DAOA: variants seen among roughly 807,000 people sequenced by gnomAD.
DAOA encodes the protein D-amino acid oxidase activator, also known as D-amino acid oxidase regulator.
A neutral mutation model predicts 16.4 loss-of-function variants in DAOA; 15 were observed. That is an observed-to-expected ratio of 0.91 (90% CI 0.61 to 1.41). The LOEUF is 1.41. Ranked by LOEUF, DAOA falls within the 40% of genes most tolerant of loss-of-function variation. The pLI is 0.00. For missense variants in DAOA, 230 were observed against 176.8 expected (o/e 1.30, Z -1.71); for synonymous variants, 75 against 59.1 (o/e 1.27, Z -1.23).
chr13:105,466,058 T>A lies in DAOA; in HGVS notation c.-76T>A, dbSNP rs1433321781. The A allele has an allele frequency of 1.3e-5, 6 of 478,566 alleles. No individual in the cohort carries two copies. Among genetic ancestry groups the A allele is most frequent in the Non-Finnish European group, 2.1e-5 (6 of 283,136 alleles). The allele number at this position is 478,566 out of a possible 1,614,324, so 29.6% of individuals were successfully genotyped here. On this transcript the variant is annotated splice_region_variant and 5_prime_UTR_variant, in exon 1 of 6. It introduces an in-frame stop codon into an upstream open reading frame of the 5' UTR. Coordinates refer to ENST00000375936, the MANE Select transcript of DAOA (RefSeq NM_172370.5). The stretch of plus-strand genomic sequence containing the variant: ...AAAGTAGAGTGAAGCAAGTAATGTG[T>A]GTGTGAGTAGTCATTGGATACATAC...
intron 2 of DAOA, 126 bp from the exon 3 acceptor site, chr13:105,466,927 T>C (rs1876562431): frequency 8.0e-7 from 1 of 1,245,412 alleles, no homozygotes. Flanking sequence ...GCTGAATAGT[T>C]AAGATTAAAA....
chr13:105,489,817 C>T, intron 4 of DAOA, 84 bp from the exon 5 acceptor site: 1 of 1,612,862 alleles, frequency 6.2e-7, no homozygotes, highest in Non-Finnish European at 8.5e-7. Flanking sequence ...ACCAATGGAA[C>T]ATGGGAAAGG....
chr13:105,490,542 A>G (rs1053762223), intron 5 of DAOA: 1 of 152,226 alleles, frequency 6.6e-6, no homozygotes, highest in African/African-American at 2.4e-5. Context: ...GGATTTATGT[A>G]TCTGATACAT....
chr13:105,466,946 G>T, intron 2 of DAOA, 107 bp from the exon 3 acceptor site: 1 of 1,349,408 alleles, frequency 7.4e-7, no homozygotes, highest in Non-Finnish European at 9.7e-7. Context: ...AAATATGAAA[G>T]TGCTAAACCA....
At chr13:105,489,797 G>T in intron 4 of DAOA, 104 bp from the exon 5 acceptor site, 1 of 1,610,176 alleles carries the variant, frequency 6.2e-7, no homozygotes, top group South Asian at 1.1e-5. Context: ...GGCAGGAGCT[G>T]GGACTTCTAA....
intron 4 of DAOA, among the ~76,000 whole-genome samples, chr13:105,484,899 G>A (rs1191178444): frequency 6.6e-6 from 1 of 152,046 alleles, no homozygotes; most frequent in Admixed American, 6.6e-5. Context: ...GTAATCTCAG[G>A]CAATTGTTGG....
intron 4 of DAOA, among the ~76,000 whole-genome samples, chr13:105,485,348 AT>A (rs1163039978): frequency 1.3e-5 from 2 of 151,708 alleles, no homozygotes; most frequent in Admixed American, 1.3e-4. Flanking sequence ...GATCCGTTGG[AT>A]TTTGTGTCTC....
At chr13:105,473,859 C>T (rs12862108) in intron 4 of DAOA, among the ~76,000 whole-genome samples, 1 of 151,906 alleles carries the variant, frequency 6.6e-6, no homozygotes, top group Non-Finnish European at 1.5e-5. Flanking sequence ...TTTTGTACTA[C>T]AGGAAAGCTA....
intron 4 of DAOA, among the ~76,000 whole-genome samples, chr13:105,474,609 A>G (rs1877215217): frequency 6.6e-6 from 1 of 152,118 alleles, no homozygotes; most frequent in Non-Finnish European, 1.5e-5. Context: ...TGACTGACTA[A>G]AGCCAGCAAA....
intron 4 of DAOA, among the ~76,000 whole-genome samples, chr13:105,477,549 T>A (rs9519686): frequency 0.36 from 54,465 of 151,808 alleles, 9,879 homozygotes; most frequent in African/African-American, 0.4. Context: ...GAAACCTAGA[T>A]GCCATCTCTA....
intron 4 of DAOA, among the ~76,000 whole-genome samples, chr13:105,484,888 G>T (rs1002714799): frequency 2.0e-5 from 3 of 152,052 alleles, no homozygotes; most frequent in Admixed American, 6.6e-5. Context: ...CCTGAACTTA[G>T]GTAATCTCAG....
chr13:105,474,699 T>C (rs1425065348), intron 4 of DAOA, among the ~76,000 whole-genome samples: 1 of 152,060 alleles, frequency 6.6e-6, no homozygotes, highest in Non-Finnish European at 1.5e-5. Flanking sequence ...TACTCCAGAA[T>C]GGAAAAAGTT....
At chr13:105,486,997 A>G (rs1878157407) in intron 4 of DAOA, among the ~76,000 whole-genome samples, 1 of 152,066 alleles carries the variant, frequency 6.6e-6, no homozygotes, top group Admixed American at 6.6e-5. Flanking sequence ...TTTCCAAACA[A>G]TTCCATGGGT....
intron 3 of DAOA, among the ~76,000 whole-genome samples, chr13:105,468,447 A>C (rs993920001): frequency 3.9e-5 from 6 of 152,188 alleles, no homozygotes; most frequent in African/African-American, 1.2e-4. Flanking sequence ...TGCTCATCTT[A>C]CTTTTAATTT....
chr13:105,478,184 G>C (rs2139186575), intron 4 of DAOA, among the ~76,000 whole-genome samples: 1 of 152,268 alleles, frequency 6.6e-6, no homozygotes, highest in Non-Finnish European at 1.5e-5. Flanking sequence ...GCACTTCAAT[G>C]AAAAATGATT....
intron 4 of DAOA, among the ~76,000 whole-genome samples, chr13:105,480,674 G>A (rs1877676744): frequency 6.6e-6 from 1 of 152,086 alleles, no homozygotes; most frequent in South Asian, 2.1e-4. Context: ...GGCCCTGGAA[G>A]CCAATGGTGT....
chr13:105,488,645 G>A (rs1467296608), intron 4 of DAOA, among the ~76,000 whole-genome samples: 1 of 152,136 alleles, frequency 6.6e-6, no homozygotes, highest in Admixed American at 6.6e-5. Flanking sequence ...GAGATTACTA[G>A]TGTGACAATG....
chr13:105,480,550 A>AGATAGATAGATAGATAGAT (rs1555306738), intron 4 of DAOA, among the ~76,000 whole-genome samples: 3 of 151,762 alleles, frequency 2.0e-5, no homozygotes, highest in African/African-American at 7.3e-5. Context: ...ATAGATAGAT[A>AGATAGATAGATAGATAGAT]GATAGATAGA....
chr13:105,484,779 A>G (rs1315346416), intron 4 of DAOA, among the ~76,000 whole-genome samples: 1 of 152,130 alleles, frequency 6.6e-6, no homozygotes, highest in Non-Finnish European at 1.5e-5. Context: ...CTCCTATACA[A>G]TTTGGATGCC....
Sources: gnomAD v4.1 joint callset for allele counts (sites outside exome capture counted in the v4.1 genomes callset) on GRCh38, gnomAD v4.1.1 for gene constraint, MANE v1.5 for transcripts, NCBI Gene and HGNC (gene_info 2026-07-23, HGNC 2026-07-21) for gene names.